The following CAMK2A variants were observed in gnomAD, a reference collection of about 807,000 sequenced individuals.
The protein encoded by CAMK2A is calcium/calmodulin dependent protein kinase II alpha.
In CAMK2A, 7 loss-of-function variants were observed where a neutral mutation model predicts 79.2. The observed-to-expected ratio is 0.09, with a 90% CI of 0.05 to 0.17. CAMK2A has a LOEUF of 0.17. Among genes scored for constraint, CAMK2A ranks in the 10% least tolerant of loss-of-function variants. The pLI, the probability that CAMK2A is intolerant of heterozygous loss-of-function variation, is 1.00. For missense variants in CAMK2A, 214 were observed against 646.4 expected (o/e 0.33, Z 7.25); for synonymous variants, 242 against 251.7 (o/e 0.96, Z 0.36).
In CAMK2A at chr5:150,256,757, G is replaced by C; in HGVS notation, c.338+9C>G. The C allele has an allele frequency of 6.2e-7, 1 of 1,613,436 alleles. No homozygotes were observed. The highest frequency in any genetic ancestry group is 1.1e-5 in the South Asian group (1 of 91,058). Reference sequence around the variant, plus strand: ...CGGGTGCCATTGCCAGGCAGCACCTGACACTCACCTGGCATCCGCCTCACT... The same window carrying C: ...CGGGTGCCATTGCCAGGCAGCACCTCACACTCACCTGGCATCCGCCTCACT... On this transcript the variant is annotated intron_variant, in intron 5 of 18. Transcript: ENST00000671881. The surrounding 1 kb of genome is among the most constrained non-coding windows in gnomAD (Gnocchi z 4.6).
rs764960293 is a variant in CAMK2A at position 150,231,218 on chromosome 5, C to T, written c.1142+87G>A. ...ACATGCAAAGTGAGTGGATGAGGAT[C>T]GGAGACAAGGACCCCCAAAGTTAGC... is the stretch of plus-strand genomic sequence containing the variant. On this transcript the variant is annotated intron_variant, in intron 16 of 18. Coordinates refer to ENST00000671881, the MANE Select transcript of CAMK2A (RefSeq NM_015981.4). The T allele has an allele frequency of 8.1e-6, 5 of 613,554 alleles. No individual in the cohort carries two copies. The East Asian group carries it at 1.2e-4, about 14-fold the overall frequency. 38.0% of individuals were successfully genotyped at this position (613,554 alleles called of 1,614,324 possible).
At chr5:150,249,047 C>T (rs1183047524) in intron 11 of CAMK2A, among the ~76,000 whole-genome samples, 1 of 152,226 alleles carries the variant, frequency 6.6e-6, no homozygotes, top group East Asian at 1.9e-4. Context: ...GGGGATGGGA[C>T]TCAGTTCTCC....
intron 3 of CAMK2A, among the ~76,000 whole-genome samples, chr5:150,263,424 AC>A (rs1259729352): frequency 6.6e-6 from 1 of 151,760 alleles, no homozygotes; most frequent in African/African-American, 2.4e-5. Flanking sequence ...TCACATACGC[AC>A]ATTCACACAC....
chr5:150,257,955 G>A (rs1303050986), intron 3 of CAMK2A, among the ~76,000 whole-genome samples: 1 of 152,230 alleles, frequency 6.6e-6, no homozygotes, highest in Non-Finnish European at 1.5e-5. Context: ...CCACTTACTA[G>A]CCGTGTGACT....
intron 16 of CAMK2A, among the ~76,000 whole-genome samples, 162 bp downstream of exon 16, chr5:150,231,143 C>A (rs1314466854): frequency 6.6e-6 from 1 of 152,092 alleles, no homozygotes; most frequent in Non-Finnish European, 1.5e-5. Flanking sequence ...TCAATAGAAG[C>A]ATCAAGTCCG....
In CAMK2A at chr5:150,288,321, C is replaced by T. The variant is rs560182443; in HGVS notation, c.62+1243G>A. 7.2e-5 allele frequency among the ~76,000 whole-genome samples: 11 copies of T among 152,204 alleles called. No homozygotes were observed. The East Asian group carries it at 2.1e-3, about 29-fold the overall frequency. Reference sequence around the variant, plus strand: ...CACATTTAATGAGTCATGTTTACACCCTTGTTCTCATTCAACCCAGCCAAC... The same window carrying T: ...CACATTTAATGAGTCATGTTTACACTCTTGTTCTCATTCAACCCAGCCAAC... On this transcript the variant is annotated intron_variant, in intron 1 of 18. Transcript: ENST00000671881.
chr5:150,226,038 A>G (rs1409162107), intron 17 of CAMK2A, among the ~76,000 whole-genome samples: 1 of 152,050 alleles, frequency 6.6e-6, no homozygotes, highest in African/African-American at 2.4e-5. Context: ...GAGCCACCGC[A>G]CCCGGCCGAG....
At chr5:150,253,601 A>G in intron 6 of CAMK2A, 55 bp from the exon 7 acceptor site, 1 of 1,448,334 alleles carries the variant, frequency 6.9e-7, no homozygotes, top group African/African-American at 1.4e-5. Context: ...AGAGACAGTC[A>G]GCAGATTCAG....
At chr5:150,243,367 G>A (rs991589925) in intron 13 of CAMK2A, among the ~76,000 whole-genome samples, 10 of 152,122 alleles carry the variant, frequency 6.6e-5, no homozygotes, top group African/African-American at 9.7e-5. Context: ...CTAGCTCAGC[G>A]TCTCCACACA....
intron 7 of CAMK2A, 89 bp downstream of exon 7, chr5:150,253,355 A>T: frequency 9.5e-7 from 1 of 1,048,372 alleles, no homozygotes; most frequent in Non-Finnish European, 1.5e-6. Flanking sequence ...CTCCAGCCAT[A>T]CCCACTCAGG....
In CAMK2A at chr5:150,221,704, C is replaced by T. The variant is rs1157618748; in HGVS notation, c.*1006G>A. The stretch of plus-strand genomic sequence containing the variant: ...CCCTTCTCCCCGGAGCTGAGTCCAC[C>T]TTGGCCCCAATAACCACAGGTGACA... On this transcript the variant is annotated 3_prime_UTR_variant, in exon 19 of 19. Transcript: ENST00000671881. The T allele has an allele frequency of 2.5e-6, 1 of 394,902 alleles. No homozygotes were observed. The highest frequency in any genetic ancestry group is 3.6e-5 in the East Asian group (1 of 28,028). 24.5% of individuals were successfully genotyped at this position (394,902 alleles called of 1,614,324 possible).
chr5:150,286,844 CCAG>C (rs1757444142), intron 1 of CAMK2A, among the ~76,000 whole-genome samples: 1 of 152,236 alleles, frequency 6.6e-6, no homozygotes, highest in Non-Finnish European at 1.5e-5. Context: ...TCAGCCTTGC[CCAG>C]CCTTTGAGAA....
In CAMK2A at chr5:150,220,565, T is replaced by C. The variant is rs1192389861; in HGVS notation, c.*2145A>G. The C allele has an allele frequency of 6.6e-6, 1 of 152,348 alleles. No individual in the cohort carries two copies. Among genetic ancestry groups the C allele is most frequent in the Admixed American group, 6.5e-5 (1 of 15,282 alleles). 9.4% of individuals were successfully genotyped at this position (152,348 alleles called of 1,614,324 possible). A position where few individuals can be genotyped will look rare whatever the true frequency, so the allele number is the denominator to read the frequency against. ...CTTGCTCGGTAATTACAGCAGCCCC[T>C]GGTGAAGGCCACACCCTCACCCTTG... On this transcript the variant is annotated 3_prime_UTR_variant, in exon 19 of 19. Transcript: ENST00000671881.
chr5:150,227,110 T>C (rs1409424812), intron 17 of CAMK2A, among the ~76,000 whole-genome samples: 1 of 152,156 alleles, frequency 6.6e-6, no homozygotes. Context: ...GACATAGTCA[T>C]TGATGAACAA....
chr5:150,234,412 C>A (rs1174897979), intron 15 of CAMK2A, among the ~76,000 whole-genome samples: 1 of 152,140 alleles, frequency 6.6e-6, no homozygotes. Context: ...GACAAGGGAA[C>A]TTCCAGTGCC....
At chr5:150,260,690 C>T (rs1276570021) in intron 3 of CAMK2A, among the ~76,000 whole-genome samples, 2 of 152,098 alleles carry the variant, frequency 1.3e-5, no homozygotes, top group Non-Finnish European at 2.9e-5. Flanking sequence ...TGAGAAGGCA[C>T]ATATGTCATA....
intron 1 of CAMK2A, among the ~76,000 whole-genome samples, chr5:150,274,005 T>C (rs890193875): frequency 2.6e-5 from 4 of 152,358 alleles, no homozygotes; most frequent in East Asian, 1.9e-4. Flanking sequence ...TAATGAGAGA[T>C]TGTCCATATT....
chr5:150,244,568 G>C (rs1031841035), intron 13 of CAMK2A, among the ~76,000 whole-genome samples: 1 of 152,208 alleles, frequency 6.6e-6, no homozygotes, highest in Admixed American at 6.5e-5. Context: ...GATGTGGAGG[G>C]ACCACAGGGT....
chr5:150,236,256 G>T (rs1488212686), intron 15 of CAMK2A, among the ~76,000 whole-genome samples: 3 of 152,090 alleles, frequency 2.0e-5, no homozygotes, highest in African/African-American at 7.2e-5. Context: ...TACAAATTTG[G>T]TATTGTATTC....
Sources: gnomAD v4.1 joint callset for allele counts (sites outside exome capture counted in the v4.1 genomes callset) on GRCh38, gnomAD v4.1.1 for gene constraint, Gnocchi (gnomAD v3.1) non-coding constraint, MANE v1.5 for transcripts, NCBI Gene and HGNC (gene_info 2026-07-23, HGNC 2026-07-21) for gene names.